GSKIP: variants seen among roughly 807,000 people sequenced by gnomAD.
GSKIP encodes GSK3B interacting protein.
A neutral mutation model predicts 11.9 loss-of-function variants in GSKIP; 5 were observed. The ratio of observed to expected loss-of-function variants is 0.42; its 90% CI spans 0.22 to 0.89. The LOEUF (loss-of-function observed/expected upper bound fraction) is 0.89, where lower values mean the gene tolerates loss of function less well. GSKIP is among the 40% of genes least tolerant of loss of function. The pLI is 0.29. For synonymous variants in GSKIP, 70 were observed against 62.9 expected (o/e 1.11, Z -0.54); for missense variants, 150 against 166.6 (o/e 0.90, Z 0.55).
intron 1 of GSKIP, among the ~76,000 whole-genome samples, chr14:96,370,657 T>C (rs558828150): frequency 1.7e-4 from 26 of 152,132 alleles, no homozygotes; most frequent in Non-Finnish European, 2.5e-4. Context: ...TACCTACCTA[T>C]CTGTCTATCT....
intron 1 of GSKIP, among the ~76,000 whole-genome samples, chr14:96,366,341 A>G (rs1888882531): frequency 6.6e-6 from 1 of 152,266 alleles, no homozygotes; most frequent in African/African-American, 2.4e-5. Flanking sequence ...AATTTCAAAT[A>G]TCAGAAAGGA....
chr14:96,365,160 G>A (rs138420596), intron 1 of GSKIP: 25 of 152,122 alleles, frequency 1.6e-4, no homozygotes, highest in African/African-American at 5.8e-4. Context: ...CAATAAATGA[G>A]TGAATAATAT....
intron 1 of GSKIP, chr14:96,364,233 GTGT>G (rs1460135829): frequency 2.0e-5 from 3 of 152,244 alleles, no homozygotes; most frequent in African/African-American, 7.2e-5. Flanking sequence ...CTGGGTGCGG[GTGT>G]TCTATGGCCC....
In GSKIP at chr14:96,385,851, A is replaced by G; in HGVS notation, c.*167A>G. Reference sequence around the variant, plus strand: ...AGATTATTGAATAATGATTTGTCTTAGTTTCTGTTTCAGTAAGGGAATTCT... The same window carrying G: ...AGATTATTGAATAATGATTTGTCTTGGTTTCTGTTTCAGTAAGGGAATTCT... On this transcript the variant is annotated 3_prime_UTR_variant, in exon 4 of 4. Transcript: ENST00000555181. 1.8e-6 allele frequency: 1 copy of G among 563,680 alleles called. No homozygotes were observed. Among genetic ancestry groups the G allele is most frequent in the Non-Finnish European group, 3.1e-6 (1 of 324,650 alleles). The allele number at this position is 563,680 out of a possible 1,614,324, so 34.9% of individuals were successfully genotyped here.
intron 1 of GSKIP, among the ~76,000 whole-genome samples, chr14:96,376,299 C>T (rs932916690): frequency 6.6e-5 from 10 of 151,986 alleles, no homozygotes; most frequent in Admixed American, 2.0e-4. Flanking sequence ...TATTTTAGCC[C>T]GACTAGTTCC....
At chr14:96,377,252 C>T (rs185262824) in intron 1 of GSKIP, among the ~76,000 whole-genome samples, 71 of 152,296 alleles carry the variant, frequency 4.7e-4, no homozygotes, top group Non-Finnish European at 9.1e-4. Context: ...AGAACATTTC[C>T]GTCATCACAG....
chr14:96,381,825 G>A (rs142292012), intron 2 of GSKIP, among the ~76,000 whole-genome samples: 16 of 151,934 alleles, frequency 1.1e-4, no homozygotes, highest in African/African-American at 2.2e-4. Flanking sequence ...TTTTTTGAAG[G>A]GTAAATTGAC....
intron 1 of GSKIP, among the ~76,000 whole-genome samples, chr14:96,371,442 C>CTTTTT (rs570686090): frequency 8.9e-6 from 1 of 112,800 alleles, no homozygotes; most frequent in Non-Finnish European, 1.8e-5. Context: ...TATCAACAAT[C>CTTTTT]TTTTTTTTTT....
intron 2 of GSKIP, chr14:96,380,089 A>C (rs1392663442): frequency 6.6e-6 from 1 of 152,208 alleles, no homozygotes; most frequent in African/African-American, 2.4e-5. Context: ...TGGAAAGCCA[A>C]ATTTTTTTTC....
chr14:96,364,376 T>C (rs1232080118), intron 1 of GSKIP: 2 of 152,222 alleles, frequency 1.3e-5, no homozygotes, highest in East Asian at 1.9e-4. Context: ...TAAAATCTTA[T>C]GTGCATGGAT....
chr14:96,379,345 GT>G (rs1316843264), intron 1 of GSKIP, among the ~76,000 whole-genome samples: 9 of 152,142 alleles, frequency 5.9e-5, no homozygotes, highest in African/African-American at 1.9e-4. Flanking sequence ...GTATTAATTA[GT>G]TTGAAGAGTC....
intron 3 of GSKIP, among the ~76,000 whole-genome samples, chr14:96,383,717 A>C (rs1889411205): frequency 6.6e-6 from 1 of 152,196 alleles, no homozygotes; most frequent in Non-Finnish European, 1.5e-5. Context: ...CAGCATCTGT[A>C]CTACCCTCAG....
intron 1 of GSKIP, chr14:96,364,485 A>G (rs900867220): frequency 1.3e-5 from 2 of 152,234 alleles, no homozygotes; most frequent in African/African-American, 4.8e-5. Flanking sequence ...GACCAGTTTA[A>G]GGAGTGAAAT....
At chr14:96,372,873 G>A (rs1484083943) in intron 1 of GSKIP, among the ~76,000 whole-genome samples, 1 of 152,194 alleles carries the variant, frequency 6.6e-6, no homozygotes. Context: ...TCTCCCTCCA[G>A]CCTGTAGCTG....
chr14:96,378,768 C>T (rs1889269301), intron 1 of GSKIP, among the ~76,000 whole-genome samples: 1 of 152,206 alleles, frequency 6.6e-6, no homozygotes, highest in Non-Finnish European at 1.5e-5. Context: ...TCAATCACTG[C>T]CTTTCATTAT....
At chr14:96,382,787 A>C (rs1057448068) in intron 3 of GSKIP, among the ~76,000 whole-genome samples, 13 of 152,172 alleles carry the variant, frequency 8.5e-5, no homozygotes, top group African/African-American at 2.9e-4. Flanking sequence ...CTATAGCTAA[A>C]TGTGTTCACC....
intron 1 of GSKIP, among the ~76,000 whole-genome samples, chr14:96,367,871 A>C (rs1322872768): frequency 1.3e-5 from 2 of 152,232 alleles, no homozygotes; most frequent in African/African-American, 4.8e-5. Context: ...ATTGTCAAGT[A>C]TTCCAATTTT....
chr14:96,371,336 T>C (rs1200358120), intron 1 of GSKIP, among the ~76,000 whole-genome samples: 1 of 152,172 alleles, frequency 6.6e-6, no homozygotes, highest in Non-Finnish European at 1.5e-5. Flanking sequence ...CCCTATACTT[T>C]CCAAAAGACT....
intron 1 of GSKIP, among the ~76,000 whole-genome samples, chr14:96,370,563 C>T (rs191166132): frequency 7.2e-5 from 11 of 152,118 alleles, no homozygotes; most frequent in African/African-American, 2.4e-4. Context: ...GTGTCTTTCT[C>T]CCAGGAATGA....
Sources: allele counts gnomAD v4.1 joint callset (sites outside exome capture counted in the v4.1 genomes callset), GRCh38; gene constraint gnomAD v4.1.1; transcripts MANE v1.5; gene names NCBI Gene and HGNC (gene_info 2026-07-23, HGNC 2026-07-21).